The following PPP2R5B variants were observed in gnomAD, a reference collection of about 807,000 sequenced individuals.
PPP2R5B encodes the protein serine/threonine-protein phosphatase 2A 56 kDa regulatory subunit beta isoform.
Under a neutral mutation model 59.9 loss-of-function variants are expected in PPP2R5B, and 19 were observed. The ratio of observed to expected loss-of-function variants is 0.32; its 90% confidence interval spans 0.22 to 0.47. The LOEUF (loss-of-function observed/expected upper bound fraction) is 0.47, where lower values mean the gene tolerates loss of function less well. Ranked by LOEUF, PPP2R5B falls within the 20% of genes least tolerant of loss-of-function variation. The pLI is 1.00. For synonymous variants in PPP2R5B, 286 were observed against 260.5 expected, an observed-to-expected ratio of 1.10 and a Z score of -0.94; for missense variants, 441 against 640.2, an observed-to-expected ratio of 0.69 and a Z score of 3.36.
rs201487631 is a variant in PPP2R5B, at chr11:64,930,476, C to T, written c.783-5C>T. 1.2e-6 allele frequency: 2 copies of T among 1,614,150 alleles called. No individual in the cohort carries two copies. The highest frequency in any genetic ancestry group is 2.7e-5 in the African/African-American group (2 of 75,022). ...CCCTCTTCCTCTCTTCTGCCTCCTC[C>T]TCAGCATCATCAATGGCTTTGCGCT... On this transcript the variant is annotated splice_region_variant and splice_polypyrimidine_tract_variant and intron_variant, in intron 7 of 13. Coordinates refer to ENST00000164133, the MANE Select transcript of PPP2R5B (RefSeq NM_006244.4).
intron 6 of PPP2R5B, 31 bp downstream of exon 6, chr11:64,928,456 C>T (rs979700073): frequency 5.6e-6 from 9 of 1,613,682 alleles, no homozygotes; most frequent in South Asian, 3.3e-5. Context: ...CAGCAGAGAC[C>T]TGGGGAGGGT....
chr11:64,933,130 C>T lies in PPP2R5B; in HGVS notation c.1245-15C>T. 6.3e-7 allele frequency: 1 copy of T among 1,595,430 alleles called. No individual in the cohort carries two copies. The highest frequency in any genetic ancestry group is 2.2e-5 in the East Asian group (1 of 44,790). On this transcript the variant is annotated splice_polypyrimidine_tract_variant and intron_variant, in intron 12 of 13. Coordinates refer to ENST00000164133, the MANE Select transcript of PPP2R5B (RefSeq NM_006244.4). ...AAGCTGTTTCATCTCCTCATCCCTC[C>T]TTGACACTGCCAAGAACCATCGTAT...
At chr11:64,932,151 G>A (rs1945233805) in intron 11 of PPP2R5B, among the ~76,000 whole-genome samples, 1 of 152,248 alleles carries the variant, frequency 6.6e-6, no homozygotes, top group African/African-American at 2.4e-5. Flanking sequence ...AAGGATGGAA[G>A]AGATTGTGAG....
At chr11:64,929,554 C>T (rs1367464129) in intron 6 of PPP2R5B, among the ~76,000 whole-genome samples, 5 of 152,088 alleles carry the variant, frequency 3.3e-5, no homozygotes, top group African/African-American at 9.7e-5. Context: ...GGTGAAACTC[C>T]GTCTCTACTA....
In PPP2R5B at chr11:64,926,882, C is replaced by T; in HGVS notation, c.370C>T (p.Pro124Ser). The T allele has an allele frequency of 6.2e-7, 1 of 1,614,154 alleles. No homozygotes were observed. Among genetic ancestry groups the T allele is most frequent in the Non-Finnish European group, 8.5e-7 (1 of 1,180,016 alleles). Reference sequence around the variant, plus strand: ...GAGCACCCGGGGTGTCCTCATCGAGCCCGTCTACCCAGACATCATCCGCAT... The same window carrying T: ...GAGCACCCGGGGTGTCCTCATCGAGTCCGTCTACCCAGACATCATCCGCAT... ...VGSTRGVLIE[P>S]VYPDIIRMIS... Residue 124 changes from proline to serine, a missense_variant, in exon 3 of 14, where the codon CCC (proline) becomes TCC (serine). Pro to Ser is a moderately conservative substitution (Grantham distance 74). This residue lies in a region of PPP2R5B where 268 missense variants were observed against 488.1 expected (regional missense o/e 0.55). Transcript: ENST00000164133.
rs1945266241 is a variant in PPP2R5B at position 64,934,449 on chromosome 11, G to T, written c.*605G>T. 4.6e-6 allele frequency: 2 copies of T among 433,304 alleles called. No homozygotes were observed. Among genetic ancestry groups the T allele is most frequent in the African/African-American group, 2.0e-5 (1 of 50,022 alleles). 26.8% of individuals were successfully genotyped at this position (433,304 alleles called of 1,614,324 possible). On this transcript the variant is annotated 3_prime_UTR_variant, in exon 14 of 14. Transcript: ENST00000164133. The stretch of plus-strand genomic sequence containing the variant: ...TCTACTCCTCTTTCCGTGGCTGGGG[G>T]TAGACTTAATAAAGAGAGAAATTCA...
chr11:64,918,330 G>T (rs1308085656), intron 1 of PPP2R5B: 5 of 152,224 alleles, frequency 3.3e-5, no homozygotes, highest in African/African-American at 1.2e-4. Flanking sequence ...CATCATGGGC[G>T]ACTTCAGGAA....
intron 6 of PPP2R5B, 53 bp downstream of exon 6, chr11:64,928,478 T>TA: frequency 6.2e-7 from 1 of 1,611,862 alleles, no homozygotes; most frequent in South Asian, 1.1e-5. Flanking sequence ...AGAGGGCTGT[T>TA]AGAAGACTGC....
chr11:64,926,669 G>T, intron 2 of PPP2R5B, 43 bp from the exon 3 acceptor site: 1 of 1,602,966 alleles, frequency 6.2e-7, no homozygotes, highest in Non-Finnish European at 8.5e-7. Context: ...TGGGGCAGCT[G>T]GGGGAGCTGG....
Position 64,925,036 on chromosome 11 carries a change from TC to T in PPP2R5B, c.-265+13del, listed in dbSNP as rs1945144792. Reference sequence around the variant, plus strand: ...AGTCTAGGTTTTCGAGAAGTGAGTGTCCCCCACCCCATGAGGTTTGGGGGGC... The same window carrying T: ...AGTCTAGGTTTTCGAGAAGTGAGTGTCCCCACCCCATGAGGTTTGGGGGGC... On this transcript the variant is annotated intron_variant, in intron 1 of 13. Transcript: ENST00000164133. This position sits in a 1 kb window ranked among gnomAD's most constrained non-coding sequence, Gnocchi z 4.6. 1 of 152,028 alleles carries T rather than the reference TC, an allele frequency of 6.6e-6. No individual in the cohort carries two copies. Among genetic ancestry groups the T allele is most frequent in the East Asian group, 1.9e-4 (1 of 5,158 alleles). 9.4% of individuals were successfully genotyped at this position (152,028 alleles called of 1,614,324 possible).
At chr11:64,927,032 T>G in intron 3 of PPP2R5B, 124 bp downstream of exon 3, 1 of 1,125,258 alleles carries the variant, frequency 8.9e-7, no homozygotes, top group Non-Finnish European at 1.2e-6. Flanking sequence ...AGTCCACGTC[T>G]TCCTTCCCCC....
intron 5 of PPP2R5B, 50 bp from the exon 6 acceptor site, chr11:64,928,245 G>A (rs1239811518): frequency 6.2e-7 from 1 of 1,612,450 alleles, no homozygotes; most frequent in South Asian, 1.1e-5. Flanking sequence ...GCAACCTGGG[G>A]TGGACCTTTC....
At chr11:64,920,294 T>C (rs1565093963), upstream of PPP2R5B, among the ~76,000 whole-genome samples, 1 of 152,200 alleles carries the variant, frequency 6.6e-6, no homozygotes, top group African/African-American at 2.4e-5. Context: ...CACTCACATC[T>C]GTCTGTTGTA....
At chr11:64,922,078 T>C (rs1053288399), upstream of PPP2R5B, among the ~76,000 whole-genome samples, 2 of 151,562 alleles carry the variant, frequency 1.3e-5, no homozygotes, top group African/African-American at 4.9e-5. Flanking sequence ...AGTGGTGGCA[T>C]GCGCCTGAGG....
intron 6 of PPP2R5B, among the ~76,000 whole-genome samples, chr11:64,928,900 G>A (rs1026948971): frequency 1.3e-5 from 2 of 151,872 alleles, no homozygotes; most frequent in African/African-American, 2.4e-5. Flanking sequence ...CCCAGGAGGT[G>A]GAGTTTACAG....
At position 64,931,340 on chromosome 11, in the gene PPP2R5B, T is replaced by G; in HGVS notation, c.892-96T>G. On this transcript the variant is annotated intron_variant, in intron 8 of 13. Coordinates refer to ENST00000164133, the MANE Select transcript of PPP2R5B (RefSeq NM_006244.4). This position sits in a 1 kb window ranked among gnomAD's most constrained non-coding sequence, Gnocchi z 5.0. ...GAATAAGAAAGTAACAGGCCGTGGGTGAGCAGTATTTGGCATTCTGTCCTG... is the reference window on the plus strand; with the variant it reads ...GAATAAGAAAGTAACAGGCCGTGGGGGAGCAGTATTTGGCATTCTGTCCTG... The G allele has an allele frequency of 7.5e-7, 1 of 1,335,752 alleles. No individual in the cohort carries two copies. The highest frequency in any genetic ancestry group is 1.1e-6 in the Non-Finnish European group (1 of 944,466). 82.7% of individuals were successfully genotyped at this position (1,335,752 alleles called of 1,614,324 possible). A position where few individuals can be genotyped will look rare whatever the true frequency, so the allele number is the denominator to read the frequency against.
chr11:64,923,409 T>G (rs1189554338), upstream of PPP2R5B, among the ~76,000 whole-genome samples: 1 of 152,114 alleles, frequency 6.6e-6, no homozygotes, highest in Non-Finnish European at 1.5e-5. Flanking sequence ...AGGAGGGAGA[T>G]CATGGATTCC....
In PPP2R5B at chr11:64,928,314, G is replaced by A; in HGVS notation, c.611G>A (p.Ser204Asn). Reference protein sequence around the residue: ...FVLMLLELFDSEDPREREYLK... With the variant: ...FVLMLLELFDNEDPREREYLK... ...CCACAGCTCCTGGAGCTATTTGATA[G>A]TGAGGATCCCCGGGAGCGTGAGTAC... The change falls in exon 6 of 14, where the codon AGT becomes AAT. Residue 204 changes from serine to asparagine, a missense_variant. Physicochemically the swap from Ser to Asn is conservative, Grantham distance 46 (BLOSUM62 1). Around this residue, in one of 3 missense-constraint regions of PPP2R5B, gnomAD observed 268 missense variants for 488.1 expected, o/e 0.55. Coordinates refer to ENST00000164133, the MANE Select transcript of PPP2R5B (RefSeq NM_006244.4). The A allele has an allele frequency of 6.2e-7, 1 of 1,614,038 alleles. No homozygotes were observed. The highest frequency in any genetic ancestry group is 1.6e-4 in the Middle Eastern group (1 of 6,062).
chr11:64,919,614 G>T (rs893985494), intron 1 of PPP2R5B, among the ~76,000 whole-genome samples: 14 of 152,150 alleles, frequency 9.2e-5, no homozygotes, highest in African/African-American at 3.4e-4. Flanking sequence ...AGCCGGGCGT[G>T]GTGGTGTGTG....
Sources: allele counts gnomAD v4.1 joint callset (sites outside exome capture counted in the v4.1 genomes callset), GRCh38; gene constraint gnomAD v4.1.1; regional missense constraint gnomAD v4.1.1; non-coding constraint Gnocchi (gnomAD v3.1); transcripts MANE v1.5; gene names NCBI Gene and HGNC (gene_info 2026-07-23, HGNC 2026-07-21).